The following CCDC90B variants were observed in gnomAD, a reference collection of about 807,000 sequenced individuals.
CCDC90B encodes the protein coiled-coil domain containing 90B.
A neutral mutation model predicts 37.0 loss-of-function variants in CCDC90B; 24 were observed. The observed-to-expected ratio is 0.65, with a 90% CI of 0.47 to 0.91. The LOEUF is 0.91. Ranked by LOEUF, CCDC90B falls within the 40% of genes least tolerant of loss-of-function variation. The pLI is 0.00. For synonymous variants in CCDC90B, 113 were observed against 101.1 expected, an observed-to-expected ratio of 1.12 and a Z score of -0.71; for missense variants, 319 against 299.0, an observed-to-expected ratio of 1.07 and a Z score of -0.49.
In CCDC90B at chr11:83,286,145, CACAG is replaced by C. The variant is rs1021162679; in HGVS notation, c.-177_-174del. 2.1e-5 allele frequency: 32 copies of C among 1,536,212 alleles called. No individual in the cohort carries two copies. The highest frequency in any genetic ancestry group is 5.5e-5 in the African/African-American group (4 of 73,188). ...GTGGTCCCACGAAACTGGGTCTCTT[CACAG>C]ACAGACCCACAGTTCGCGAGCATGG... On this transcript the variant is annotated 5_prime_UTR_variant, in exon 1 of 9. An upstream open reading frame in the 5' UTR gains an earlier in-frame stop. Coordinates refer to ENST00000529689, the MANE Select transcript of CCDC90B (RefSeq NM_021825.5).
At chr11:83,266,639 T>C (rs1431027609) in intron 7 of CCDC90B, among the ~76,000 whole-genome samples, 1 of 152,188 alleles carries the variant, frequency 6.6e-6, no homozygotes, top group African/African-American at 2.4e-5. Context: ...AGCACAACAA[T>C]GCCTACTGTC....
At chr11:83,262,354 G>A (rs1565205501) in intron 8 of CCDC90B, among the ~76,000 whole-genome samples, 1 of 152,026 alleles carries the variant, frequency 6.6e-6, no homozygotes, top group Non-Finnish European at 1.5e-5. Flanking sequence ...ATATCTGTGA[G>A]AAGAGAATTT....
At chr11:83,263,199 A>G (rs1420516541) in intron 8 of CCDC90B, among the ~76,000 whole-genome samples, 1 of 152,220 alleles carries the variant, frequency 6.6e-6, no homozygotes, top group East Asian at 1.9e-4. Flanking sequence ...GTGCTATCTA[A>G]GTGGTTACAT....
At chr11:83,269,348 AAAAC>A (rs1864500850) in intron 7 of CCDC90B, among the ~76,000 whole-genome samples, 1 of 152,136 alleles carries the variant, frequency 6.6e-6, no homozygotes, top group Non-Finnish European at 1.5e-5. Context: ...AACCCTTAAA[AAAAC>A]AATCAATGAA....
chr11:83,264,694 T>C (rs1294207453), intron 8 of CCDC90B, among the ~76,000 whole-genome samples: 2 of 152,140 alleles, frequency 1.3e-5, no homozygotes, highest in African/African-American at 4.8e-5. Context: ...GGAGTATCTT[T>C]GTTGGAACCA....
Position 83,280,579 on chromosome 11 carries a change from A to T in CCDC90B, c.101-319T>A, listed in dbSNP as rs1865326381. On this transcript the variant is annotated intron_variant, in intron 1 of 8. Coordinates refer to ENST00000529689, the MANE Select transcript of CCDC90B (RefSeq NM_021825.5). ...ACCACCTCAGCTCTAATTACTGAAA[A>T]GCAGAAACTGCACAATTCAATTCTT... 3.9e-5 allele frequency among the ~76,000 whole-genome samples: 6 copies of T among 152,226 alleles called. No homozygotes were observed. In the South Asian group the frequency reaches 1.2e-3, roughly 31 times the overall value.
chr11:83,273,020 G>A (rs1223327693), intron 7 of CCDC90B, among the ~76,000 whole-genome samples: 1 of 152,056 alleles, frequency 6.6e-6, no homozygotes, highest in Non-Finnish European at 1.5e-5. Context: ...GAATAATAGT[G>A]CCTACCTCAC....
At chr11:83,278,658 G>A in intron 3 of CCDC90B, 68 bp downstream of exon 3, 1 of 1,047,690 alleles carries the variant, frequency 9.5e-7, no homozygotes, top group Non-Finnish European at 1.5e-6. Flanking sequence ...TCAGTAGGTA[G>A]ACAGAGACAT....
intron 8 of CCDC90B, among the ~76,000 whole-genome samples, chr11:83,265,308 T>A (rs1248750370): frequency 6.6e-6 from 1 of 152,168 alleles, no homozygotes; most frequent in African/African-American, 2.4e-5. Context: ...AGGTCATCTG[T>A]CCCTCCTCCA....
rs1213817272 is a variant in CCDC90B at position 83,261,290 on chromosome 11, C to G, written c.*621G>C. ...CCATGTTGGCCAGGCTGGTCTAGAA[C>G]TCCTGACCTCAAGTGATCCACCCGC... is the stretch of plus-strand genomic sequence containing the variant. On this transcript the variant is annotated 3_prime_UTR_variant, in exon 9 of 9. Coordinates refer to ENST00000529689, the MANE Select transcript of CCDC90B (RefSeq NM_021825.5). 1 of 152,140 alleles carries G rather than the reference C, an allele frequency of 6.6e-6. No homozygotes were observed. The highest frequency in any genetic ancestry group is 2.4e-5 in the African/African-American group (1 of 41,408). 9.4% of individuals were successfully genotyped at this position (152,140 alleles called of 1,614,324 possible). A position where few individuals can be genotyped will look rare whatever the true frequency, so the allele number is the denominator to read the frequency against.
In CCDC90B at chr11:83,265,008, A is replaced by G. The variant is rs982106245; in HGVS notation, c.709+857T>C. Reference sequence around the variant, plus strand: ...AGCATTGGGAGATATACCTAATGCTAAATGACGAGTTACTGGGTGCAGCGC... The same window carrying G: ...AGCATTGGGAGATATACCTAATGCTGAATGACGAGTTACTGGGTGCAGCGC... On this transcript the variant is annotated intron_variant, in intron 8 of 8. Coordinates refer to ENST00000529689, the MANE Select transcript of CCDC90B (RefSeq NM_021825.5). Among the ~76,000 whole-genome samples the G allele has an allele frequency of 2.6e-5, 4 of 151,686 alleles. No individual in the cohort carries two copies. The East Asian group carries it at 5.8e-4, about 22-fold the overall frequency.
rs1481390489 is a variant in CCDC90B, at chr11:83,286,294, A to T, written c.-322T>A. The T allele has an allele frequency of 4.5e-6, 5 of 1,105,734 alleles. No individual in the cohort carries two copies. Among genetic ancestry groups the T allele is most frequent in the Non-Finnish European group, 5.1e-6 (4 of 782,272 alleles). The allele number at this position is 1,105,734 out of a possible 1,614,324, so 68.5% of individuals were successfully genotyped here. On this transcript the variant is annotated 5_prime_UTR_variant, in exon 1 of 9. Coordinates refer to ENST00000529689, the MANE Select transcript of CCDC90B (RefSeq NM_021825.5). The stretch of plus-strand genomic sequence containing the variant: ...CGCCTGTTTCCTGGCAGTGGGGCAT[A>T]GTCCAACAGCTGGCTCCCCCAAGAT...
In CCDC90B at chr11:83,286,364, A is replaced by C; in HGVS notation, c.-392T>G. On this transcript the variant is annotated 5_prime_UTR_variant, in exon 1 of 9. It removes an upstream start codon present in the reference 5' UTR. Transcript: ENST00000529689. ...CTTGGGTCGGGGGAGATGGAGTCGC[A>C]TTTAGCCGCACAGCAGCCTGGAACC... The C allele has an allele frequency of 4.7e-6, 3 of 637,848 alleles. No homozygotes were observed. The South Asian group carries it at 5.9e-5, about 13-fold the overall frequency. 39.5% of individuals were successfully genotyped at this position (637,848 alleles called of 1,614,324 possible).
chr11:83,275,384 T>A (rs1465560307), intron 3 of CCDC90B, among the ~76,000 whole-genome samples: 1 of 152,098 alleles, frequency 6.6e-6, no homozygotes, highest in African/African-American at 2.4e-5. Context: ...AGATTGAATA[T>A]CCCTAATCCA....
intron 4 of CCDC90B, 99 bp from the exon 5 acceptor site, chr11:83,274,091 A>G (rs1864871860): frequency 1.1e-5 from 9 of 837,006 alleles, no homozygotes; most frequent in Admixed American, 3.5e-5. Context: ...TGGACAATCT[A>G]TGGATTTCTA....
intron 1 of CCDC90B, 118 bp downstream of exon 1, chr11:83,285,755 T>A (rs1362062148): frequency 2.0e-6 from 3 of 1,470,504 alleles, no homozygotes; most frequent in Non-Finnish European, 2.7e-6. Flanking sequence ...GCACAAGGCG[T>A]GAATCCGGGA....
At chr11:83,271,487 C>T (rs61900303) in intron 7 of CCDC90B, among the ~76,000 whole-genome samples, 4,126 of 152,226 alleles carry the variant, frequency 0.027, 113 homozygotes, top group South Asian at 0.08. Flanking sequence ...AAGAAGACAT[C>T]TATGCAGCCA....
chr11:83,283,159 C>T (rs1220567113), intron 1 of CCDC90B, among the ~76,000 whole-genome samples: 2 of 152,226 alleles, frequency 1.3e-5, no homozygotes, highest in Non-Finnish European at 2.9e-5. Context: ...CCAATGCCTA[C>T]ACAATTCTGG....
intron 7 of CCDC90B, 88 bp downstream of exon 7, chr11:83,273,559 A>G: frequency 9.7e-7 from 1 of 1,035,840 alleles, no homozygotes; most frequent in African/African-American, 1.6e-5. Flanking sequence ...AGTTTTTAAA[A>G]GTCTAAACTT....
Sources: gnomAD v4.1 joint callset for allele counts (sites outside exome capture counted in the v4.1 genomes callset) on GRCh38, gnomAD v4.1.1 for gene constraint, MANE v1.5 for transcripts, NCBI Gene and HGNC (gene_info 2026-07-23, HGNC 2026-07-21) for gene names.